KCND2: variants seen among roughly 807,000 people sequenced by gnomAD.
KCND2 encodes the protein A-type voltage-gated potassium channel KCND2.
A neutral mutation model predicts 54.4 loss-of-function variants in KCND2; 16 were observed. That is an observed-to-expected ratio of 0.29 (90% CI 0.20 to 0.45). KCND2 has a LOEUF of 0.45. Among genes scored for constraint, KCND2 ranks in the 20% least tolerant of loss-of-function variants. KCND2 has a pLI of 1.00. For missense variants in KCND2, 486 were observed against 824.2 expected (o/e 0.59, Z 5.02); for synonymous variants, 317 against 310.7 (o/e 1.02, Z -0.21).
At chr7:120,397,218 G>T (rs975373504) in intron 1 of KCND2, among the ~76,000 whole-genome samples, 10 of 152,046 alleles carry the variant, frequency 6.6e-5, no homozygotes, top group African/African-American at 2.4e-4. Flanking sequence ...AGTTCAGTTT[G>T]GTGTCTTCCA....
At chr7:120,718,569 G>A (rs1204220691) in intron 1 of KCND2, among the ~76,000 whole-genome samples, 3 of 152,146 alleles carry the variant, frequency 2.0e-5, no homozygotes, top group Non-Finnish European at 4.4e-5. Flanking sequence ...GAGTAGCTGT[G>A]ACAGAGGCAG....
chr7:120,603,951 A>T (rs574817832), intron 1 of KCND2, among the ~76,000 whole-genome samples: 19 of 152,172 alleles, frequency 1.2e-4, no homozygotes, highest in African/African-American at 4.6e-4. Flanking sequence ...CATTAAACAG[A>T]CCTGGATTCA....
chr7:120,726,775 G>A (rs558879488), intron 1 of KCND2, among the ~76,000 whole-genome samples: 1 of 152,236 alleles, frequency 6.6e-6, no homozygotes, highest in Non-Finnish European at 1.5e-5. Context: ...ACCAGCAACT[G>A]CCCTATACAA....
chr7:120,515,176 A>G (rs1013732419), intron 1 of KCND2, among the ~76,000 whole-genome samples: 5 of 151,828 alleles, frequency 3.3e-5, no homozygotes, highest in African/African-American at 7.3e-5. Context: ...TCTTCCCTAT[A>G]CTTGCTCCTG....
Position 120,489,240 on chromosome 7 carries a change from A to G in KCND2, c.1115+213493A>G, listed in dbSNP as rs1584798984. 2.0e-5 allele frequency among the ~76,000 whole-genome samples: 3 copies of G among 152,066 alleles called. No homozygotes were observed. In the South Asian group the frequency reaches 6.2e-4, roughly 32 times the overall value. Reference sequence around the variant, plus strand: ...TATGTCTGTAGATCAGTCTGTTATTATAACTCTATAAGTGAACACTCTTAA... The same window carrying G: ...TATGTCTGTAGATCAGTCTGTTATTGTAACTCTATAAGTGAACACTCTTAA... On this transcript the variant is annotated intron_variant, in intron 1 of 5. Coordinates refer to ENST00000331113, the MANE Select transcript of KCND2 (RefSeq NM_012281.3).
At chr7:120,612,307 C>G (rs933976070) in intron 1 of KCND2, among the ~76,000 whole-genome samples, 7 of 152,300 alleles carry the variant, frequency 4.6e-5, no homozygotes, top group Non-Finnish European at 8.8e-5. Context: ...AAACAAAGAC[C>G]TAATGTTGTA....
intron 1 of KCND2, among the ~76,000 whole-genome samples, chr7:120,729,952 C>T (rs916252699): frequency 6.6e-6 from 1 of 152,150 alleles, no homozygotes; most frequent in African/African-American, 2.4e-5. Flanking sequence ...TATCTCCTTA[C>T]TTTTCGTAAT....
chr7:120,418,305 A>G (rs1001370290), intron 1 of KCND2, among the ~76,000 whole-genome samples: 2 of 152,224 alleles, frequency 1.3e-5, no homozygotes, highest in Admixed American at 1.3e-4. Flanking sequence ...AACTACTGTG[A>G]TTCCACAAGA....
intron 1 of KCND2, among the ~76,000 whole-genome samples, chr7:120,520,463 T>C (rs1223910786): frequency 6.6e-6 from 1 of 152,050 alleles, no homozygotes; most frequent in Non-Finnish European, 1.5e-5. Context: ...CTGAATGGGA[T>C]AGAGAGATAA....
intron 1 of KCND2, among the ~76,000 whole-genome samples, chr7:120,367,218 G>T (rs1800699028): frequency 6.6e-6 from 1 of 152,102 alleles, no homozygotes; most frequent in Non-Finnish European, 1.5e-5. Flanking sequence ...ACAAATAGAA[G>T]AATTTAGGGT....
At chr7:120,616,009 G>T (rs544033985) in intron 1 of KCND2, among the ~76,000 whole-genome samples, 1 of 152,140 alleles carries the variant, frequency 6.6e-6, no homozygotes, top group Admixed American at 6.5e-5. Context: ...ACTATGAAGG[G>T]TATCAGGGCA....
At chr7:120,523,501 T>C (rs562391803) in intron 1 of KCND2, among the ~76,000 whole-genome samples, 1 of 150,368 alleles carries the variant, frequency 6.7e-6, no homozygotes, top group African/African-American at 2.4e-5. Flanking sequence ...ACATGATTTT[T>C]ATATCACAAG....
intron 1 of KCND2, among the ~76,000 whole-genome samples, chr7:120,623,548 G>T (rs533083652): frequency 6.6e-6 from 1 of 152,290 alleles, no homozygotes; most frequent in South Asian, 2.1e-4. Flanking sequence ...CAGTATAGGT[G>T]AGGTTCTGAG....
intron 1 of KCND2, among the ~76,000 whole-genome samples, chr7:120,362,567 A>T (rs1386730911): frequency 6.6e-6 from 1 of 151,976 alleles, no homozygotes; most frequent in Non-Finnish European, 1.5e-5. Flanking sequence ...AAAAGCAGGA[A>T]ATCAGCTGAG....
chr7:120,740,879 GTAGA>G (rs1792932203), intron 2 of KCND2: 1 of 455,168 alleles, frequency 2.2e-6, no homozygotes, highest in Non-Finnish European at 4.4e-6. Flanking sequence ...GGTAGACAAA[GTAGA>G]TAAATTCACA....
Position 120,415,212 on chromosome 7 carries a change from A to G in KCND2, c.1115+139465A>G, listed in dbSNP as rs1801508049. On this transcript the variant is annotated intron_variant, in intron 1 of 5. Coordinates refer to ENST00000331113, the MANE Select transcript of KCND2 (RefSeq NM_012281.3). ...GAAAAGATTATTTCAAGCTTGCTCT[A>G]TTCTCTACAAAACTCCAAGTCCCTA... 2.6e-5 allele frequency among the ~76,000 whole-genome samples: 4 copies of G among 152,168 alleles called. No individual in the cohort carries two copies. In the South Asian group the frequency reaches 8.3e-4, roughly 32 times the overall value.
At chr7:120,532,577 C>G (rs1791855808) in intron 1 of KCND2, among the ~76,000 whole-genome samples, 2 of 151,576 alleles carry the variant, frequency 1.3e-5, no homozygotes, top group Admixed American at 1.3e-4. Context: ...ATGAAAATGC[C>G]AAACTGAAAT....
At chr7:120,352,930 A>G (rs1563019251) in intron 1 of KCND2, among the ~76,000 whole-genome samples, 1 of 152,026 alleles carries the variant, frequency 6.6e-6, no homozygotes, top group Non-Finnish European at 1.5e-5. Context: ...ATATTCTAGG[A>G]GTGAGAAAGA....
chr7:120,717,446 A>G (rs1285848204), intron 1 of KCND2, among the ~76,000 whole-genome samples: 1 of 152,172 alleles, frequency 6.6e-6, no homozygotes, highest in Non-Finnish European at 1.5e-5. Context: ...GGAATTTTCC[A>G]TTCAATGTTT....
Sources: gnomAD v4.1 joint callset for allele counts (sites outside exome capture counted in the v4.1 genomes callset) on GRCh38, gnomAD v4.1.1 for gene constraint, MANE v1.5 for transcripts, NCBI Gene and HGNC (gene_info 2026-07-23, HGNC 2026-07-21) for gene names.